The following DLC1 variants were observed in gnomAD, a reference collection of about 807,000 sequenced individuals.
DLC1 encodes the protein DLC1 Rho GTPase activating protein.
In DLC1, 54 loss-of-function variants were observed where a neutral mutation model predicts 140.3. The ratio of observed to expected loss-of-function variants is 0.38; its 90% confidence interval spans 0.31 to 0.48. The LOEUF (loss-of-function observed/expected upper bound fraction) is 0.48. DLC1 is among the 20% of genes least tolerant of loss of function. DLC1 has a pLI of 0.96. For missense variants in DLC1, 2,536 were observed against 1,907.0 expected, an observed-to-expected ratio of 1.33 and a Z score of -6.14; for synonymous variants, 986 against 728.1, an observed-to-expected ratio of 1.35 and a Z score of -5.70.
At chr8:13,331,177 G>A (rs1012312291) in intron 4 of DLC1, among the ~76,000 whole-genome samples, 1 of 152,254 alleles carries the variant, frequency 6.6e-6, no homozygotes, top group African/African-American at 2.4e-5. Context: ...ATACAGATTG[G>A]TGGTTTGTAA....
chr8:13,326,866 T>C (rs550767681), intron 4 of DLC1, among the ~76,000 whole-genome samples: 2 of 152,318 alleles, frequency 1.3e-5, no homozygotes, highest in Admixed American at 1.3e-4. Context: ...GCTGGTGTGA[T>C]TGAATGAACT....
chr8:13,181,215 T>C (rs1423890920), intron 5 of DLC1, among the ~76,000 whole-genome samples: 3 of 152,092 alleles, frequency 2.0e-5, no homozygotes, highest in African/African-American at 4.8e-5. Context: ...GCACTTACTG[T>C]TTGCTCTACT....
chr8:13,485,218 T>C (rs1369211585), intron 2 of DLC1, among the ~76,000 whole-genome samples: 1 of 152,212 alleles, frequency 6.6e-6, no homozygotes, highest in East Asian at 1.9e-4. Flanking sequence ...GACTGACTTT[T>C]ATTTTTCTTT....
chr8:13,138,936 G>C (rs953150908), intron 5 of DLC1, among the ~76,000 whole-genome samples: 4 of 152,096 alleles, frequency 2.6e-5, no homozygotes, highest in Non-Finnish European at 5.9e-5. Context: ...TACAACTTTT[G>C]AATAATGCAA....
At chr8:13,161,053 C>A (rs955230271) in intron 5 of DLC1, among the ~76,000 whole-genome samples, 1 of 152,172 alleles carries the variant, frequency 6.6e-6, no homozygotes, top group Non-Finnish European at 1.5e-5. Flanking sequence ...TGCTCTCCAG[C>A]CTGGGCGACA....
At chr8:13,415,954 T>A (rs1450480503) in intron 2 of DLC1, among the ~76,000 whole-genome samples, 1 of 152,140 alleles carries the variant, frequency 6.6e-6, no homozygotes. Flanking sequence ...TTCAAACAAC[T>A]ATGCCAAAGT....
intron 4 of DLC1, among the ~76,000 whole-genome samples, chr8:13,386,317 T>C (rs977489467): frequency 3.9e-5 from 6 of 152,110 alleles, no homozygotes; most frequent in African/African-American, 9.7e-5. Context: ...CTGCTCCAGA[T>C]ACTTAATTAA....
chr8:13,259,169 A>C (rs1280394333), intron 5 of DLC1, among the ~76,000 whole-genome samples: 1 of 151,516 alleles, frequency 6.6e-6, no homozygotes, highest in African/African-American at 2.4e-5. Flanking sequence ...AGAGAAAATC[A>C]AAAGATTAAA....
intron 13 of DLC1, among the ~76,000 whole-genome samples, chr8:13,092,189 G>A (rs943063566): frequency 6.6e-6 from 1 of 152,218 alleles, no homozygotes; most frequent in African/African-American, 2.4e-5. Context: ...AGGTTGCAGT[G>A]AGCTGAGATC....
chr8:13,291,526 A>T (rs145068320), intron 5 of DLC1, among the ~76,000 whole-genome samples: 3 of 152,314 alleles, frequency 2.0e-5, no homozygotes, highest in African/African-American at 7.2e-5. Context: ...AACCCTGTCC[A>T]CTTAAAGTAT....
At chr8:13,405,795 CT>C (rs202200509) in intron 2 of DLC1, among the ~76,000 whole-genome samples, 2,241 of 151,834 alleles carry the variant, frequency 0.015, 33 homozygotes, top group South Asian at 0.045. Flanking sequence ...CTTTTCTTCT[CT>C]TTTTTTCTCT....
intron 2 of DLC1, among the ~76,000 whole-genome samples, chr8:13,491,446 T>C (rs1801235597): frequency 6.6e-6 from 1 of 152,120 alleles, no homozygotes; most frequent in South Asian, 2.1e-4. Context: ...CAATAACACA[T>C]ATACTTTTGT....
At position 13,401,547 on chromosome 8, in the gene DLC1, C is replaced by G. The variant is rs779862909; in HGVS notation, c.1096G>C (p.Asp366His). ...VLLIMKLDQL[D>H]QDIENALSTS... ...CTGAGGGCATTTTCTATGTCCTGAT[C>G]AAGCTGGTCCAGTTTCATAATCAGC... Residue 366 changes from aspartate to histidine, a missense_variant, in exon 3 of 18, where the codon GAT (aspartate) becomes CAT (histidine). By Grantham distance (81) the Asp-to-His change is moderately conservative. Transcript: ENST00000276297. The G allele has an allele frequency of 8.1e-6, 13 of 1,613,484 alleles. No individual in the cohort carries two copies. Among genetic ancestry groups the G allele is most frequent in the Non-Finnish European group, 1.1e-5 (13 of 1,180,022 alleles).
At chr8:13,351,071 G>C (rs1268187544) in intron 4 of DLC1, among the ~76,000 whole-genome samples, 1 of 152,142 alleles carries the variant, frequency 6.6e-6, no homozygotes, top group Non-Finnish European at 1.5e-5. Context: ...ATAAGGTAGA[G>C]GACTCTCATG....
chr8:13,215,207 C>T (rs570903938), intron 5 of DLC1, among the ~76,000 whole-genome samples: 2 of 152,204 alleles, frequency 1.3e-5, no homozygotes, highest in South Asian at 2.1e-4. Context: ...TCCCAAACGT[C>T]TTACAAAAAA....
At chr8:13,565,209 TAA>T (rs1312308964) in intron 1 of DLC1, among the ~76,000 whole-genome samples, 7 of 152,154 alleles carry the variant, frequency 4.6e-5, no homozygotes, top group African/African-American at 9.7e-5. Flanking sequence ...CCTTCTAGGA[TAA>T]AGTTATTTTT....
At chr8:13,401,065 A>G (rs1837272094) in intron 3 of DLC1, among the ~76,000 whole-genome samples, 1 of 152,142 alleles carries the variant, frequency 6.6e-6, no homozygotes, top group African/African-American at 2.4e-5. Flanking sequence ...CCATCCATTT[A>G]CTCATGCAGC....
intron 2 of DLC1, among the ~76,000 whole-genome samples, chr8:13,473,176 A>T (rs1453174901): frequency 6.6e-6 from 1 of 152,126 alleles, no homozygotes; most frequent in South Asian, 2.1e-4. Context: ...TGGAAACAGG[A>T]AGACAGGTTT....
chr8:13,240,114 C>T (rs1048431133), intron 5 of DLC1, among the ~76,000 whole-genome samples: 1 of 152,066 alleles, frequency 6.6e-6, no homozygotes, highest in Non-Finnish European at 1.5e-5. Context: ...TCCACAGGAA[C>T]AAACTTCAGC....
Sources: allele counts gnomAD v4.1 joint callset (sites outside exome capture counted in the v4.1 genomes callset), GRCh38; gene constraint gnomAD v4.1.1; transcripts MANE v1.5; gene names NCBI Gene and HGNC (gene_info 2026-07-23, HGNC 2026-07-21).